Variants in C12orf54 observed in about 807,000 individuals in gnomAD.
C12orf54 encodes uncharacterized protein C12orf54.
A neutral mutation model predicts 26.4 loss-of-function variants in C12orf54; 24 were observed. That is an observed-to-expected ratio of 0.91 (90% CI 0.66 to 1.28). C12orf54 has a LOEUF of 1.28. Among genes scored for constraint, C12orf54 ranks in the 50% most tolerant of loss-of-function variants. The pLI, the probability that C12orf54 is intolerant of heterozygous loss-of-function variation, is 0.00. For missense variants in C12orf54, 154 were observed against 150.9 expected (o/e 1.02, Z -0.11); for synonymous variants, 54 against 47.0 (o/e 1.15, Z -0.61).
At chr12:48,418,431 A>G in the C12orf54 span, among the ~76,000 whole-genome samples, 1 of 152,158 alleles carries the variant, frequency 6.6e-6, no homozygotes, top group Admixed American at 6.6e-5. Flanking sequence ...ATTTTTCTCC[A>G]GTTTGCTATG....
chr12:48,429,188 A>G, the C12orf54 span, among the ~76,000 whole-genome samples: 4 of 152,178 alleles, frequency 2.6e-5, no homozygotes, highest in Admixed American at 1.3e-4. Flanking sequence ...AAAGCCATCT[A>G]TGAAAAACCC....
intron 2 of C12orf54, among the ~76,000 whole-genome samples, chr12:48,483,868 A>C (rs1268047785): frequency 6.6e-6 from 1 of 152,184 alleles, no homozygotes. Flanking sequence ...TGAGCCTTTG[A>C]ACTTGCAGCA....
chr12:48,417,859 T>C, the C12orf54 span, among the ~76,000 whole-genome samples: 1 of 152,204 alleles, frequency 6.6e-6, no homozygotes, highest in African/African-American at 2.4e-5. Context: ...CCTGCACTAA[T>C]TTGCTTAGAA....
the C12orf54 span, among the ~76,000 whole-genome samples, chr12:48,435,016 A>T: frequency 6.6e-6 from 1 of 152,210 alleles, no homozygotes; most frequent in Non-Finnish European, 1.5e-5. Context: ...ACTTTGAAAA[A>T]AAATTAGACG....
At chr12:48,472,712 C>T in the C12orf54 span, 4 of 1,614,154 alleles carry the variant, frequency 2.5e-6, no homozygotes, top group Admixed American at 3.3e-5. Context: ...ACAGGACGCC[C>T]TCCGATGTGA....
the C12orf54 span, among the ~76,000 whole-genome samples, chr12:48,441,528 C>T: frequency 6.6e-6 from 1 of 151,780 alleles, no homozygotes; most frequent in African/African-American, 2.4e-5. Flanking sequence ...CTGGACCAGT[C>T]ACTGTGCCAG....
At chr12:48,493,627 TAAA>T (rs10535607) in intron 7 of C12orf54, among the ~76,000 whole-genome samples, 11,405 of 124,120 alleles carry the variant, frequency 0.092, 1,217 homozygotes, top group East Asian at 0.26. Flanking sequence ...ACTGTCTCAT[TAAA>T]AAAAAAAAAA....
At chr12:48,490,339 C>G (rs745900840) in intron 5 of C12orf54, among the ~76,000 whole-genome samples, 2 of 152,186 alleles carry the variant, frequency 1.3e-5, no homozygotes, top group Non-Finnish European at 2.9e-5. Flanking sequence ...ACAATACAAA[C>G]TGTGCTTTTG....
At chr12:48,433,729 G>A in the C12orf54 span, among the ~76,000 whole-genome samples, 1 of 152,186 alleles carries the variant, frequency 6.6e-6, no homozygotes, top group African/African-American at 2.4e-5. Context: ...TTACAGGTGT[G>A]AGCCACCGCA....
At chr12:48,433,588 C>A in the C12orf54 span, among the ~76,000 whole-genome samples, 1 of 152,036 alleles carries the variant, frequency 6.6e-6, no homozygotes, top group Non-Finnish European at 1.5e-5. Flanking sequence ...GCTGGGACTA[C>A]AGGCACCCAC....
At chr12:48,490,385 A>C (rs1937761953) in intron 5 of C12orf54, among the ~76,000 whole-genome samples, 1 of 152,190 alleles carries the variant, frequency 6.6e-6, no homozygotes, top group Non-Finnish European at 1.5e-5. Context: ...GGGTGGCCAA[A>C]GTGGCTGGGT....
At chr12:48,430,591 A>G in the C12orf54 span, among the ~76,000 whole-genome samples, 17 of 152,208 alleles carry the variant, frequency 1.1e-4, no homozygotes, top group African/African-American at 3.9e-4. Flanking sequence ...TCAAAACCAC[A>G]ATGTGATGCC....
the C12orf54 span, among the ~76,000 whole-genome samples, chr12:48,470,585 G>C: frequency 6.6e-6 from 1 of 152,084 alleles, no homozygotes; most frequent in Non-Finnish European, 1.5e-5. Context: ...CAGATGCATA[G>C]TTTGCAAATA....
the C12orf54 span, among the ~76,000 whole-genome samples, chr12:48,470,078 T>G: frequency 1.6e-4 from 25 of 152,226 alleles, no homozygotes; most frequent in African/African-American, 5.8e-4. Flanking sequence ...CCACATTTTC[T>G]TTATCCAGTC....
At chr12:48,472,956 A>G in the C12orf54 span, 1 of 1,614,220 alleles carries the variant, frequency 6.2e-7, no homozygotes, top group East Asian at 2.2e-5. Flanking sequence ...TTTAAGTGGC[A>G]ACAAAATTAA....
intron 8 of C12orf54, among the ~76,000 whole-genome samples, chr12:48,495,950 G>T (rs762852683): frequency 6.6e-6 from 1 of 152,154 alleles, no homozygotes; most frequent in African/African-American, 2.4e-5. Context: ...GACATAGACA[G>T]CAAGTGTAGG....
chr12:48,439,689 T>C, the C12orf54 span, among the ~76,000 whole-genome samples: 3 of 151,994 alleles, frequency 2.0e-5, 1 homozygote, highest in South Asian at 6.2e-4. Context: ...TAGGTGGGAA[T>C]TGAACAATGA....
At chr12:48,478,065 C>T (rs1358701536), upstream of C12orf54, among the ~76,000 whole-genome samples, 1 of 152,166 alleles carries the variant, frequency 6.6e-6, no homozygotes, top group East Asian at 1.9e-4. Context: ...AAGTGGGCTT[C>T]ATCCCTGGGA....
chr12:48,442,973 A>G, the C12orf54 span: 1 of 152,352 alleles, frequency 6.6e-6, no homozygotes, highest in Non-Finnish European at 1.5e-5. Context: ...ATTTGGAATA[A>G]GATAAATAAA....
Sources: allele counts gnomAD v4.1 joint callset (sites outside exome capture counted in the v4.1 genomes callset), GRCh38; gene constraint gnomAD v4.1.1; transcripts MANE v1.5; gene names NCBI Gene and HGNC (gene_info 2026-07-23, HGNC 2026-07-21).